GLRA3: variants seen among roughly 807,000 people sequenced by gnomAD.
GLRA3 encodes glycine receptor alpha 3, also known as glycine receptor subunit alpha-3.
A neutral mutation model predicts 60.4 loss-of-function variants in GLRA3; 44 were observed. The observed-to-expected ratio is 0.73, with a 90% CI of 0.57 to 0.94. GLRA3 has a LOEUF of 0.94. Ranked by LOEUF, GLRA3 falls within the 40% of genes least tolerant of loss-of-function variation. The pLI is 0.00. For missense variants in GLRA3, 508 were observed against 564.6 expected (o/e 0.90, Z 1.02); for synonymous variants, 223 against 192.9 (o/e 1.16, Z -1.29).
intron 5 of GLRA3, among the ~76,000 whole-genome samples, chr4:174,700,658 C>G (rs1463965382): frequency 6.6e-6 from 1 of 152,060 alleles, no homozygotes; most frequent in Non-Finnish European, 1.5e-5. Flanking sequence ...AAGAGTTAAC[C>G]AAGTTATGAT....
intron 1 of GLRA3, among the ~76,000 whole-genome samples, chr4:174,815,313 G>A (rs988205507): frequency 6.6e-6 from 1 of 152,206 alleles, no homozygotes; most frequent in Non-Finnish European, 1.5e-5. Flanking sequence ...GGCTGGCATT[G>A]AGTGTCTCTA....
intron 2 of GLRA3, among the ~76,000 whole-genome samples, chr4:174,783,821 C>T (rs1738999431): frequency 6.6e-6 from 1 of 152,144 alleles, no homozygotes. Flanking sequence ...CAGGAATCAA[C>T]AGGTGCTGGA....
At chr4:174,767,684 C>T (rs921699077) in intron 2 of GLRA3, among the ~76,000 whole-genome samples, 1 of 152,050 alleles carries the variant, frequency 6.6e-6, no homozygotes, top group Non-Finnish European at 1.5e-5. Context: ...TGCCAAGGGT[C>T]TTCCATGGGT....
chr4:174,691,786 A>G (rs377180237), intron 5 of GLRA3, among the ~76,000 whole-genome samples: 3 of 152,132 alleles, frequency 2.0e-5, no homozygotes, highest in East Asian at 1.9e-4. Flanking sequence ...CCAAAGTGCC[A>G]AGATTGCAGC....
intron 7 of GLRA3, among the ~76,000 whole-genome samples, chr4:174,668,670 A>T (rs1483596913): frequency 6.6e-6 from 1 of 152,200 alleles, no homozygotes; most frequent in East Asian, 1.9e-4. Context: ...CATAGTTTAA[A>T]CTTAAGAAAA....
chr4:174,786,239 C>A (rs377728224), intron 2 of GLRA3, among the ~76,000 whole-genome samples: 6 of 152,012 alleles, frequency 3.9e-5, no homozygotes, highest in African/African-American at 1.4e-4. Flanking sequence ...AGATTCCTTC[C>A]AAAAACATTG....
intron 3 of GLRA3, among the ~76,000 whole-genome samples, chr4:174,735,887 T>C (rs768561563): frequency 6.6e-6 from 1 of 152,198 alleles, no homozygotes; most frequent in Admixed American, 6.6e-5. Context: ...ATCTGCTTAC[T>C]ATTATTTTTG....
chr4:174,750,227 T>A (rs1194811681), intron 3 of GLRA3, among the ~76,000 whole-genome samples: 1 of 152,130 alleles, frequency 6.6e-6, no homozygotes, highest in East Asian at 1.9e-4. Context: ...GAAACAAAAT[T>A]TTAGAATTGG....
intron 3 of GLRA3, 140 bp from the exon 4 acceptor site, chr4:174,728,838 G>A (rs1283062305): frequency 3.5e-6 from 2 of 577,938 alleles, no homozygotes; most frequent in Non-Finnish European, 6.1e-6. Context: ...TATAGTTAAT[G>A]GAGGAGGCTA....
intron 3 of GLRA3, among the ~76,000 whole-genome samples, chr4:174,762,649 C>T (rs145753223): frequency 1.3e-5 from 2 of 151,998 alleles, no homozygotes; most frequent in Non-Finnish European, 2.9e-5. Context: ...CTGTGATCAC[C>T]AAATAGATAT....
intron 5 of GLRA3, 44 bp from the exon 6 acceptor site, chr4:174,682,983 T>C (rs1433499421): frequency 1.1e-5 from 17 of 1,523,348 alleles, no homozygotes; most frequent in Non-Finnish European, 1.4e-5. Flanking sequence ...AAAAAGGGCA[T>C]TCAAAGAAAA....
At chr4:174,776,048 G>A (rs540937549) in intron 2 of GLRA3, among the ~76,000 whole-genome samples, 1 of 152,244 alleles carries the variant, frequency 6.6e-6, no homozygotes, top group South Asian at 2.1e-4. Flanking sequence ...ATAGGGCCTG[G>A]CATCTGTCTT....
At chr4:174,688,322 TATATATA>T (rs1285943520) in intron 5 of GLRA3, among the ~76,000 whole-genome samples, 1 of 5,744 alleles carries the variant, frequency 1.7e-4, no homozygotes, top group African/African-American at 8.2e-4. Context: ...TGACATCATA[TATATATA>T]TATATATATA....
intron 1 of GLRA3, among the ~76,000 whole-genome samples, chr4:174,791,552 A>C (rs549417434): frequency 7.2e-5 from 11 of 151,942 alleles, no homozygotes; most frequent in African/African-American, 2.7e-4. Context: ...CTTTTTTTAT[A>C]ATCTCTATCT....
At chr4:174,781,999 G>C (rs1738897403) in intron 2 of GLRA3, among the ~76,000 whole-genome samples, 1 of 150,072 alleles carries the variant, frequency 6.7e-6, no homozygotes, top group African/African-American at 2.5e-5. Flanking sequence ...CCAAAGCCGG[G>C]CAGAGACACA....
At chr4:174,719,668 T>A (rs541729321) in intron 4 of GLRA3, among the ~76,000 whole-genome samples, 3 of 152,276 alleles carry the variant, frequency 2.0e-5, no homozygotes, top group Admixed American at 2.0e-4. Flanking sequence ...AGAATGAGCT[T>A]CTGTAACCTA....
intron 5 of GLRA3, chr4:174,713,662 G>A (rs1735804523): frequency 1.3e-5 from 2 of 152,112 alleles, no homozygotes; most frequent in South Asian, 4.1e-4. Flanking sequence ...TTTCGAGGTT[G>A]AATCGTGTTG....
chr4:174,689,701 T>G (rs1016697302), intron 5 of GLRA3, among the ~76,000 whole-genome samples: 3 of 135,188 alleles, frequency 2.2e-5, no homozygotes, highest in African/African-American at 5.5e-5. Context: ...AGGCTAACCT[T>G]GAATGTAAAC....
intron 3 of GLRA3, among the ~76,000 whole-genome samples, chr4:174,763,001 G>A (rs560633694): frequency 7.0e-4 from 107 of 152,140 alleles, no homozygotes; most frequent in African/African-American, 2.2e-3. Context: ...GAAGTAATTG[G>A]TACATGTTCT....
Sources: allele counts gnomAD v4.1 joint callset (sites outside exome capture counted in the v4.1 genomes callset), GRCh38; gene constraint gnomAD v4.1.1; transcripts MANE v1.5; gene names NCBI Gene and HGNC (gene_info 2026-07-23, HGNC 2026-07-21).